Variants in TRAM2 observed in about 807,000 individuals in gnomAD.
TRAM2 encodes the protein translocation associated membrane protein 2, also known as translocating chain-associated membrane protein 2.
Under a neutral mutation model 51.0 loss-of-function variants are expected in TRAM2, and 12 were observed. The observed-to-expected ratio is 0.24, with a 90% confidence interval of 0.15 to 0.38. The LOEUF (loss-of-function observed/expected upper bound fraction) is 0.38, where lower values mean the gene tolerates loss of function less well. TRAM2 is among the 10% of genes least tolerant of loss of function. The probability of loss-of-function intolerance (pLI) is 1.00; values close to 1 mark genes in which losing one functional copy is unlikely to be tolerated. For synonymous variants in TRAM2, 175 were observed against 179.4 expected, an observed-to-expected ratio of 0.98 and a Z score of 0.20; for missense variants, 361 against 462.0, an observed-to-expected ratio of 0.78 and a Z score of 2.00.
chr6:52,527,371 C>T (rs1766801473), intron 2 of TRAM2, among the ~76,000 whole-genome samples: 1 of 106,440 alleles, frequency 9.4e-6, no homozygotes. Flanking sequence ...GAGCAAGACT[C>T]TATCTCAAAA....
At chr6:52,511,216 G>A (rs149082299) in intron 4 of TRAM2, among the ~76,000 whole-genome samples, 36 of 152,274 alleles carry the variant, frequency 2.4e-4, no homozygotes, top group African/African-American at 7.9e-4. Context: ...CGATTCTCCC[G>A]CCTCAGTCCT....
intron 2 of TRAM2, among the ~76,000 whole-genome samples, chr6:52,528,360 C>T (rs886198855): frequency 6.6e-6 from 1 of 151,948 alleles, no homozygotes; most frequent in Non-Finnish European, 1.5e-5. Context: ...CCAGAGCCAC[C>T]GCTGCCCACC....
chr6:52,513,204 A>G (rs1281923248), intron 4 of TRAM2, among the ~76,000 whole-genome samples: 1 of 152,204 alleles, frequency 6.6e-6, no homozygotes, highest in African/African-American at 2.4e-5. Context: ...TAATACTGGT[A>G]TTTCTGGTGG....
chr6:52,533,139 T>C (rs1323730724), intron 2 of TRAM2, among the ~76,000 whole-genome samples: 8 of 152,152 alleles, frequency 5.3e-5, no homozygotes, highest in Admixed American at 4.6e-4. Flanking sequence ...AGAGTTTCAA[T>C]CTGCAAGATG....
intron 1 of TRAM2, among the ~76,000 whole-genome samples, chr6:52,573,047 C>T (rs147711165): frequency 1.2e-3 from 186 of 152,244 alleles, no homozygotes; most frequent in African/African-American, 4.2e-3. Flanking sequence ...GGAAACATTT[C>T]TTTGCAGCTT....
intron 2 of TRAM2, among the ~76,000 whole-genome samples, chr6:52,522,089 C>T (rs1766687443): frequency 6.6e-6 from 1 of 152,266 alleles, no homozygotes; most frequent in Non-Finnish European, 1.5e-5. Context: ...ATGCTTTCCA[C>T]TGCTTTTCTT....
At chr6:52,518,321 G>T (rs1766591832) in intron 2 of TRAM2, among the ~76,000 whole-genome samples, 1 of 152,216 alleles carries the variant, frequency 6.6e-6, no homozygotes, top group Non-Finnish European at 1.5e-5. Flanking sequence ...ACTGAGGCTG[G>T]ACTGCTGGGG....
intron 1 of TRAM2, among the ~76,000 whole-genome samples, chr6:52,542,080 T>G (rs1272271539): frequency 6.6e-6 from 1 of 152,060 alleles, no homozygotes; most frequent in Non-Finnish European, 1.5e-5. Flanking sequence ...GCTGGGAAAT[T>G]AGGTACCTAA....
chr6:52,515,395 T>A (rs1163431964), intron 4 of TRAM2, among the ~76,000 whole-genome samples: 1 of 152,204 alleles, frequency 6.6e-6, no homozygotes, highest in Non-Finnish European at 1.5e-5. Flanking sequence ...TCTGTTTACA[T>A]AGAAAGGAGG....
intron 1 of TRAM2, among the ~76,000 whole-genome samples, chr6:52,552,090 A>T (rs1326544879): frequency 6.6e-6 from 1 of 152,256 alleles, no homozygotes; most frequent in Non-Finnish European, 1.5e-5. Context: ...ACGTGCTGAC[A>T]AGCAGGCCCT....
intron 2 of TRAM2, among the ~76,000 whole-genome samples, chr6:52,526,878 C>T (rs778187553): frequency 1.3e-5 from 2 of 152,088 alleles, no homozygotes; most frequent in Non-Finnish European, 2.9e-5. Context: ...GGCTGCCTCA[C>T]GTGAAGAATG....
intron 2 of TRAM2, among the ~76,000 whole-genome samples, chr6:52,535,427 AATCCCAGCACTTTGGGAGG>A (rs1766962336): frequency 6.6e-6 from 1 of 152,256 alleles, no homozygotes; most frequent in Non-Finnish European, 1.5e-5. Flanking sequence ...TCATGCCTGT[AATCCCAGCACTTTGGGAGG>A]CCAAGGCAGG....
At position 52,497,485 on chromosome 6, in the gene TRAM2, A is replaced by G. The variant is rs1365122366; in HGVS notation, c.*5712T>C. ...AAATGTACATTTAAAAAATCCATAC[A>G]AAACTGTAATTTGTTTTAAAACCAG... On this transcript the variant is annotated 3_prime_UTR_variant, in exon 11 of 11. Transcript: ENST00000182527. The G allele has an allele frequency of 2.6e-5, 4 of 152,662 alleles. No homozygotes were observed. The highest frequency in any genetic ancestry group is 4.8e-5 in the African/African-American group (2 of 41,460). The allele number at this position is 152,662 out of a possible 1,614,324, so 9.5% of individuals were successfully genotyped here.
At chr6:52,558,114 C>T (rs1054660168) in intron 1 of TRAM2, among the ~76,000 whole-genome samples, 51 of 152,306 alleles carry the variant, frequency 3.3e-4, no homozygotes, top group Middle Eastern at 3.4e-3. Context: ...CCTCAGGCCA[C>T]GTGGGCTCAG....
At chr6:52,525,621 A>G (rs56024099) in intron 2 of TRAM2, among the ~76,000 whole-genome samples, 14,040 of 152,248 alleles carry the variant, frequency 0.092, 1,118 homozygotes, top group Admixed American at 0.26. Flanking sequence ...CAGCCTGGCC[A>G]ACACAGTGAA....
At chr6:52,555,467 T>C (rs1487789202) in intron 1 of TRAM2, among the ~76,000 whole-genome samples, 8 of 152,280 alleles carry the variant, frequency 5.3e-5, no homozygotes, top group African/African-American at 1.9e-4. Context: ...AAAGTAAAAT[T>C]ACTTGAAATC....
At chr6:52,503,293 C>T in intron 10 of TRAM2, 23 bp from the exon 11 acceptor site, 1 of 1,607,186 alleles carries the variant, frequency 6.2e-7, no homozygotes. Context: ...GAGAGACAAG[C>T]ATACATGGTG....
rs113933198 is a variant in TRAM2 at position 52,508,129 on chromosome 6, A to C, written c.555+105T>G. 812 of 1,041,746 alleles carry C rather than the reference A, an allele frequency of 7.8e-4. 6 individuals are homozygous for C. In the African/African-American group the frequency reaches 0.012, roughly 15 times the overall value. The allele number at this position is 1,041,746 out of a possible 1,614,324, so 64.5% of individuals were successfully genotyped here. A position where few individuals can be genotyped will look rare whatever the true frequency, so the allele number is the denominator to read the frequency against. On this transcript the variant is annotated intron_variant, in intron 6 of 10. Transcript: ENST00000182527. ...CCCCAACATATTCCTATCACCACCC[A>C]ACACTCCATGCTTCTGGAGAAAAGG...
intron 1 of TRAM2, among the ~76,000 whole-genome samples, chr6:52,556,794 G>C (rs544403942): frequency 7.9e-5 from 12 of 151,884 alleles, no homozygotes; most frequent in Admixed American, 3.9e-4. Flanking sequence ...TGGGTGTGAT[G>C]GTGCATGCCT....
Sources: gnomAD v4.1 joint callset for allele counts (sites outside exome capture counted in the v4.1 genomes callset) on GRCh38, gnomAD v4.1.1 for gene constraint, MANE v1.5 for transcripts, NCBI Gene and HGNC (gene_info 2026-07-23, HGNC 2026-07-21) for gene names.